Variants in CFAP210 observed in about 807,000 individuals in gnomAD.
The protein encoded by CFAP210 is cilia- and flagella- associated protein 210.
the CFAP210 span, chr2:169,680,994 G>A: frequency 4.4e-6 from 7 of 1,604,612 alleles, no homozygotes; most frequent in African/African-American, 1.3e-5. Context: ...ACTCCTGGAT[G>A]GTTAATACTT....
chr2:169,646,137 C>A, the CFAP210 span: 51 of 1,613,342 alleles, frequency 3.2e-5, 1 homozygote, highest in East Asian at 1.0e-3. Context: ...CTGCAATAAT[C>A]TAATTCTGCT....
the CFAP210 span, among the ~76,000 whole-genome samples, chr2:169,649,861 G>A: frequency 6.6e-6 from 1 of 151,898 alleles, no homozygotes; most frequent in Non-Finnish European, 1.5e-5. Flanking sequence ...AACCCAGGAG[G>A]CGAAGGTTGA....
At chr2:169,666,840 T>C in the CFAP210 span, among the ~76,000 whole-genome samples, 1 of 152,098 alleles carries the variant, frequency 6.6e-6, no homozygotes, top group Non-Finnish European at 1.5e-5. Context: ...ATTTGAATGG[T>C]TTTCACAGCA....
chr2:169,676,965 A>C, the CFAP210 span, among the ~76,000 whole-genome samples: 3 of 152,316 alleles, frequency 2.0e-5, no homozygotes, highest in South Asian at 6.2e-4. Context: ...AGGCGAGATA[A>C]TAAAAGGAGT....
At chr2:169,668,709 T>G in the CFAP210 span, among the ~76,000 whole-genome samples, 1 of 152,122 alleles carries the variant, frequency 6.6e-6, no homozygotes, top group Non-Finnish European at 1.5e-5. Flanking sequence ...GGTAGAGCAG[T>G]CAGAACACAC....
At chr2:169,656,479 G>T in the CFAP210 span, among the ~76,000 whole-genome samples, 1 of 148,200 alleles carries the variant, frequency 6.7e-6, no homozygotes, top group East Asian at 2.0e-4. Flanking sequence ...GGAGGAGAAG[G>T]TGGTGGAGAA....
chr2:169,687,838 G>A, the CFAP210 span, among the ~76,000 whole-genome samples: 1 of 152,196 alleles, frequency 6.6e-6, no homozygotes, highest in African/African-American at 2.4e-5. Flanking sequence ...CATTGCCCTA[G>A]CAGAGGTTCT....
chr2:169,661,391 T>C, the CFAP210 span: 1 of 380,428 alleles, frequency 2.6e-6, no homozygotes, highest in Non-Finnish European at 5.1e-6. Context: ...TATCCTTTTA[T>C]CCTCCTCTTG....
At chr2:169,689,243 C>A in the CFAP210 span, among the ~76,000 whole-genome samples, 2 of 152,196 alleles carry the variant, frequency 1.3e-5, no homozygotes, top group Non-Finnish European at 2.9e-5. Context: ...AGGACACATC[C>A]AAACTATATC....
At chr2:169,657,365 G>A in the CFAP210 span, among the ~76,000 whole-genome samples, 1 of 151,996 alleles carries the variant, frequency 6.6e-6, no homozygotes, top group Admixed American at 6.6e-5. Context: ...GTAAAATTTT[G>A]GAGCACCAGA....
the CFAP210 span, among the ~76,000 whole-genome samples, chr2:169,670,860 T>C: frequency 1.3e-5 from 2 of 152,164 alleles, no homozygotes; most frequent in Non-Finnish European, 2.9e-5. Flanking sequence ...TTACTATGTA[T>C]AGCCACACTT....
At chr2:169,662,405 T>C in the CFAP210 span, 1 of 1,599,522 alleles carries the variant, frequency 6.3e-7, no homozygotes, top group Non-Finnish European at 8.5e-7. Flanking sequence ...TATTTTTTCC[T>C]TCTTTCCTCT....
the CFAP210 span, among the ~76,000 whole-genome samples, chr2:169,676,459 G>A: frequency 1.3e-5 from 2 of 151,458 alleles, no homozygotes; most frequent in Admixed American, 6.6e-5. Context: ...ATTTACATGT[G>A]CCCTTATAGT....
chr2:169,651,774 A>G, the CFAP210 span, among the ~76,000 whole-genome samples: 1 of 152,142 alleles, frequency 6.6e-6, no homozygotes, highest in Non-Finnish European at 1.5e-5. Flanking sequence ...AGTTATCAAA[A>G]TCCTAAATAT....
the CFAP210 span, among the ~76,000 whole-genome samples, chr2:169,689,095 T>C: frequency 6.6e-6 from 1 of 152,132 alleles, no homozygotes; most frequent in African/African-American, 2.4e-5. Flanking sequence ...GATAAACCCA[T>C]TGATCTCATA....
chr2:169,649,279 A>T, the CFAP210 span: 1 of 1,613,760 alleles, frequency 6.2e-7, no homozygotes, highest in East Asian at 2.2e-5. Flanking sequence ...ATCTGCTTTC[A>T]TGACAGCCAG....
the CFAP210 span, among the ~76,000 whole-genome samples, chr2:169,671,151 C>A: frequency 3.9e-5 from 6 of 152,208 alleles, no homozygotes; most frequent in Non-Finnish European, 8.8e-5. Context: ...TCTCTCCAAC[C>A]TTATCTTTCA....
At chr2:169,650,667 G>A in the CFAP210 span, 2 of 1,032,582 alleles carry the variant, frequency 1.9e-6, no homozygotes, top group Non-Finnish European at 2.5e-6. Context: ...ATTATTTTAA[G>A]TGGACATTAT....
chr2:169,658,706 A>C, the CFAP210 span: 1 of 298,276 alleles, frequency 3.4e-6, no homozygotes, highest in Admixed American at 4.1e-5. Flanking sequence ...ACAGGTGCTT[A>C]TTCCCGAACT....
Sources: allele counts gnomAD v4.1 joint callset (sites outside exome capture counted in the v4.1 genomes callset), GRCh38; gene constraint gnomAD v4.1.1; transcripts MANE v1.5; gene names NCBI Gene and HGNC (gene_info 2026-07-23, HGNC 2026-07-21).